Variants in TMOD1 observed in about 807,000 individuals in gnomAD.
TMOD1 encodes tropomodulin 1, also known as tropomodulin-1.
In TMOD1, 17 loss-of-function variants were observed where a neutral mutation model predicts 40.6. That is an observed-to-expected ratio of 0.42 (90% CI 0.29 to 0.63). The LOEUF is 0.63. Among genes scored for constraint, TMOD1 ranks in the 20% least tolerant of loss-of-function variants. TMOD1 has a pLI of 0.22. For missense variants in TMOD1, 391 were observed against 447.6 expected, an observed-to-expected ratio of 0.87 and a Z score of 1.14; for synonymous variants, 181 against 175.0, an observed-to-expected ratio of 1.03 and a Z score of -0.27.
chr9:97,551,229 G>A (rs1830450507), intron 3 of TMOD1, among the ~76,000 whole-genome samples: 1 of 151,800 alleles, frequency 6.6e-6, no homozygotes, highest in Non-Finnish European at 1.5e-5. Flanking sequence ...TTGCCATGTT[G>A]GCTAGGCTGG....
rs1554753234 is a variant in TMOD1, at chr9:97,514,240, T to TTG, written c.-48-9901_-48-9900insTG. Among the ~76,000 whole-genome samples, 208 of 87,862 alleles carry TTG rather than the reference T, an allele frequency of 2.4e-3. 1 individual carries two copies. Among genetic ancestry groups the TTG allele is most frequent in the Middle Eastern group, 0.015 (2 of 130 alleles). The allele number at this position is 87,862 out of a possible 152,430, so 57.6% of individuals were successfully genotyped here. On this transcript the variant is annotated intron_variant, in intron 1 of 9. Transcript: ENST00000259365. ...CCACACCTGGCTAATGTTTTTTTTT[T>TTG]GGGGGGGGGGTTGTGTTTTCTTTTT...
At chr9:97,587,189 C>CGA (rs1825897561) in intron 8 of TMOD1, among the ~76,000 whole-genome samples, 1 of 152,230 alleles carries the variant, frequency 6.6e-6, no homozygotes. Flanking sequence ...CCAGGTTTGT[C>CGA]TATTACATAT....
intron 8 of TMOD1, among the ~76,000 whole-genome samples, chr9:97,586,995 C>T (rs1053333294): frequency 3.3e-5 from 5 of 152,216 alleles, no homozygotes; most frequent in East Asian, 1.9e-4. Context: ...AGCTGTAGAC[C>T]GGAGCTGTTC....
At chr9:97,514,245 G>T (rs1426024997) in intron 1 of TMOD1, among the ~76,000 whole-genome samples, 1 of 143,122 alleles carries the variant, frequency 7.0e-6, no homozygotes, top group African/African-American at 2.6e-5. Flanking sequence ...TTTTTTGGGG[G>T]GGGGGTTGTG....
intron 2 of TMOD1, among the ~76,000 whole-genome samples, chr9:97,536,583 C>T (rs999216297): frequency 6.6e-6 from 1 of 152,116 alleles, no homozygotes; most frequent in African/African-American, 2.4e-5. Flanking sequence ...ACCTGGCTCT[C>T]ACGTGCGGCC....
At chr9:97,556,812 T>C (rs923227769) in intron 4 of TMOD1, among the ~76,000 whole-genome samples, 12 of 152,030 alleles carry the variant, frequency 7.9e-5, no homozygotes, top group Non-Finnish European at 1.5e-4. Context: ...GAGAAGAGCC[T>C]AGGAGCAGAA....
intron 8 of TMOD1, among the ~76,000 whole-genome samples, chr9:97,583,863 T>G (rs1825810547): frequency 1.3e-5 from 2 of 149,148 alleles, no homozygotes; most frequent in Non-Finnish European, 3.0e-5. Flanking sequence ...TTTATCATTT[T>G]TTATTGCGTC....
intron 2 of TMOD1, among the ~76,000 whole-genome samples, chr9:97,525,134 G>C (rs866007956): frequency 2.0e-5 from 3 of 152,108 alleles, no homozygotes; most frequent in South Asian, 2.1e-4. Flanking sequence ...AACTATCCTG[G>C]GTACAATGGA....
chr9:97,574,720 AG>A (rs1830893772), intron 8 of TMOD1, among the ~76,000 whole-genome samples: 1 of 152,214 alleles, frequency 6.6e-6, no homozygotes, highest in South Asian at 2.1e-4. Context: ...ATCTAGCTCA[AG>A]GTTTGTAAAC....
intron 2 of TMOD1, among the ~76,000 whole-genome samples, chr9:97,535,013 G>A (rs146517057): frequency 6.6e-6 from 1 of 152,294 alleles, no homozygotes; most frequent in African/African-American, 2.4e-5. Context: ...GCCTGGAGTG[G>A]CTAGAACATG....
chr9:97,546,256 A>G lies in TMOD1; in HGVS notation c.192A>G (p.Arg64=). Residue 64 remains arginine, a synonymous_variant, in exon 3 of 10, where the codon AGA becomes AGG. Coordinates refer to ENST00000259365, the MANE Select transcript of TMOD1 (RefSeq NM_003275.4). The part of the protein sequence containing the change: ...TTKAPTGPFK[R]EELLDHLEKQ... ...AGGCGCCCACGGGCCCCTTTAAAAG[A>G]GAGGAGCTCTTGGATCACTTGGAAA... 6.2e-7 allele frequency: 1 copy of G among 1,614,054 alleles called. No individual in the cohort carries two copies. Among genetic ancestry groups the G allele is most frequent in the Non-Finnish European group, 8.5e-7 (1 of 1,180,004 alleles).
At chr9:97,558,403 G>A (rs993688524) in intron 4 of TMOD1, among the ~76,000 whole-genome samples, 4 of 151,958 alleles carry the variant, frequency 2.6e-5, no homozygotes, top group Non-Finnish European at 4.4e-5. Flanking sequence ...AGTTGGGGGT[G>A]GGGGGTCTAC....
At chr9:97,546,155 T>C (rs778389501) in intron 2 of TMOD1, 30 bp from the exon 3 acceptor site, 8 of 1,580,796 alleles carry the variant, frequency 5.1e-6, no homozygotes, top group Non-Finnish European at 6.8e-6. Flanking sequence ...TCTTTCTCTC[T>C]CTCCTGCCCC....
At chr9:97,596,506 CTATTGT>C (rs1364933528) in intron 9 of TMOD1, among the ~76,000 whole-genome samples, 1 of 152,228 alleles carries the variant, frequency 6.6e-6, no homozygotes, top group Non-Finnish European at 1.5e-5. Flanking sequence ...GAGACAGGTG[CTATTGT>C]TATCCACACT....
At chr9:97,586,464 C>G (rs1305906410) in intron 8 of TMOD1, among the ~76,000 whole-genome samples, 1 of 151,466 alleles carries the variant, frequency 6.6e-6, no homozygotes, top group East Asian at 1.9e-4. Context: ...TTTTGTTTGT[C>G]TGTGCCCTGC....
At chr9:97,541,922 C>A (rs1004280536) in intron 2 of TMOD1, among the ~76,000 whole-genome samples, 1 of 152,150 alleles carries the variant, frequency 6.6e-6, no homozygotes, top group Non-Finnish European at 1.5e-5. Context: ...ATATTTCCTC[C>A]CAATCTGTGG....
At chr9:97,559,690 G>A (rs1456050584) in intron 4 of TMOD1, among the ~76,000 whole-genome samples, 2 of 148,714 alleles carry the variant, frequency 1.3e-5, no homozygotes, top group Non-Finnish European at 3.0e-5. Flanking sequence ...GCTTGAGTCC[G>A]GGAGGTGGAG....
chr9:97,581,924 A>C lies in TMOD1; in HGVS notation c.871-9367A>C, dbSNP rs1334543922. On this transcript the variant is annotated intron_variant, in intron 8 of 9. Coordinates refer to ENST00000259365, the MANE Select transcript of TMOD1 (RefSeq NM_003275.4). Reference sequence around the variant, plus strand: ...CTTTGTCAGATGAGTAGGTTGCGAAAATTTTCTCCCATTTTGTAGGTTGCC... The same window carrying C: ...CTTTGTCAGATGAGTAGGTTGCGAACATTTTCTCCCATTTTGTAGGTTGCC... 3.4e-4 allele frequency among the ~76,000 whole-genome samples: 50 copies of C among 148,230 alleles called. 1 individual carries two copies. The highest frequency in any genetic ancestry group is 6.0e-5 in the Non-Finnish European group (4 of 66,418).
At chr9:97,571,288 C>T (rs1366662455) in intron 8 of TMOD1, among the ~76,000 whole-genome samples, 1 of 152,240 alleles carries the variant, frequency 6.6e-6, no homozygotes, top group Non-Finnish European at 1.5e-5. Context: ...CCCTTCCCTC[C>T]ACACACTATC....
Sources: allele counts gnomAD v4.1 joint callset (sites outside exome capture counted in the v4.1 genomes callset), GRCh38; gene constraint gnomAD v4.1.1; transcripts MANE v1.5; gene names NCBI Gene and HGNC (gene_info 2026-07-23, HGNC 2026-07-21).